Variants in PROSER2 observed in about 807,000 individuals in gnomAD.
The protein encoded by PROSER2 is proline and serine rich 2.
PROSER2 carries 18 observed loss-of-function variants against 14.6 expected under a neutral mutation model. That is an observed-to-expected ratio of 1.23 (90% CI 0.85 to 1.83). The LOEUF (loss-of-function observed/expected upper bound fraction) is 1.83. Among genes scored for constraint, PROSER2 ranks in the 40% most tolerant of loss-of-function variants. The probability of loss-of-function intolerance (pLI) is 0.00; values close to 1 mark genes in which losing one functional copy is unlikely to be tolerated. For missense variants in PROSER2, 823 were observed against 629.8 expected (o/e 1.31, Z -3.28); for synonymous variants, 367 against 286.4 (o/e 1.28, Z -2.84).
At chr10:11,835,795 G>A (rs906364131) in intron 1 of PROSER2, among the ~76,000 whole-genome samples, 18 of 152,086 alleles carry the variant, frequency 1.2e-4, no homozygotes, top group Admixed American at 1.0e-3. Context: ...GATGAATGTC[G>A]TCAAGAGCCA....
At chr10:11,848,327 C>G (rs924810972) in intron 1 of PROSER2, among the ~76,000 whole-genome samples, 16 of 152,172 alleles carry the variant, frequency 1.1e-4, no homozygotes, top group African/African-American at 3.6e-4. Context: ...TGCCACCATG[C>G]CCGGCTAATT....
intron 1 of PROSER2, among the ~76,000 whole-genome samples, chr10:11,839,578 G>A (rs1223469739): frequency 6.6e-6 from 1 of 152,106 alleles, no homozygotes; most frequent in Non-Finnish European, 1.5e-5. Flanking sequence ...TGTACTCCCA[G>A]CATTTTGAGA....
rs139005789 is a variant in PROSER2 at position 11,865,369 on chromosome 10, C to T, written c.139-1162C>T. ...TTCAGTATCCCCTCTTATCTGACAACTGATGATAGCCTTTTTGAAGTTTTC... is the reference window on the plus strand; with the variant it reads ...TTCAGTATCCCCTCTTATCTGACAATTGATGATAGCCTTTTTGAAGTTTTC... On this transcript the variant is annotated intron_variant, in intron 2 of 3. Transcript: ENST00000277570. The surrounding 1 kb of genome is among the most constrained non-coding windows in gnomAD (Gnocchi z 4.2). Among the ~76,000 whole-genome samples, 4 of 152,290 alleles carry T rather than the reference C, an allele frequency of 2.6e-5. No homozygotes were observed. Among genetic ancestry groups the T allele is most frequent in the Admixed American group, 2.6e-4 (4 of 15,300 alleles).
chr10:11,846,996 C>T (rs981224950), intron 1 of PROSER2, among the ~76,000 whole-genome samples: 58 of 152,052 alleles, frequency 3.8e-4, no homozygotes, highest in African/African-American at 1.3e-3. Context: ...AAGCAATCCT[C>T]CCACCTCGGC....
chr10:11,826,012 A>C (rs1293782024), intron 1 of PROSER2, among the ~76,000 whole-genome samples: 1 of 151,930 alleles, frequency 6.6e-6, no homozygotes, highest in Non-Finnish European at 1.5e-5. Flanking sequence ...CCAAAAGGAA[A>C]CCCATTAAGC....
Position 11,871,098 on chromosome 10 carries a change from G to A in PROSER2, c.*692G>A, listed in dbSNP as rs555946219. 8 of 152,338 alleles carry A rather than the reference G, an allele frequency of 5.3e-5. No individual in the cohort carries two copies. The South Asian group carries it at 1.7e-3, about 32-fold the overall frequency. 9.4% of individuals were successfully genotyped at this position (152,338 alleles called of 1,614,324 possible). On this transcript the variant is annotated 3_prime_UTR_variant, in exon 4 of 4. Transcript: ENST00000277570. ...GTCTGGGACGTGTGCGTGAGCCTGTGTTTGTGTGTGTATGTTTTTAGATAC... is the reference window on the plus strand; with the variant it reads ...GTCTGGGACGTGTGCGTGAGCCTGTATTTGTGTGTGTATGTTTTTAGATAC...
At chr10:11,840,277 A>G (rs116212251) in intron 1 of PROSER2, among the ~76,000 whole-genome samples, 4,491 of 152,064 alleles carry the variant, frequency 0.03, 220 homozygotes, top group African/African-American at 0.1. Context: ...AAAAAAAAAA[A>G]AAAGAAAAAC....
chr10:11,867,726 C>G (rs1035515254), intron 3 of PROSER2, among the ~76,000 whole-genome samples: 3 of 152,208 alleles, frequency 2.0e-5, no homozygotes, highest in African/African-American at 7.2e-5. Flanking sequence ...AAGCTTCACT[C>G]GCTCACCACT....
chr10:11,828,587 C>T (rs1013606529), intron 1 of PROSER2, among the ~76,000 whole-genome samples: 31 of 152,062 alleles, frequency 2.0e-4, no homozygotes, highest in African/African-American at 7.0e-4. Flanking sequence ...CCTGTAATCC[C>T]AGCTACTCGG....
At chr10:11,841,357 G>T (rs145297264) in intron 1 of PROSER2, among the ~76,000 whole-genome samples, 1 of 151,904 alleles carries the variant, frequency 6.6e-6, no homozygotes, top group Non-Finnish European at 1.5e-5. Flanking sequence ...TTGAAAGTTT[G>T]TCAATTTTAT....
chr10:11,857,760 A>AAG (rs1283373230), intron 2 of PROSER2, among the ~76,000 whole-genome samples: 1 of 150,988 alleles, frequency 6.6e-6, no homozygotes, highest in Non-Finnish European at 1.5e-5. Context: ...AAAAAAAAAA[A>AAG]AAAAGAAACC....
chr10:11,851,982 G>T lies in PROSER2; in HGVS notation c.-81-15G>T. 7.6e-7 allele frequency: 1 copy of T among 1,312,800 alleles called. No individual in the cohort carries two copies. Among genetic ancestry groups the T allele is most frequent in the Non-Finnish European group, 1.0e-6 (1 of 1,003,704 alleles). The allele number at this position is 1,312,800 out of a possible 1,614,324, so 81.3% of individuals were successfully genotyped here. A position where few individuals can be genotyped will look rare whatever the true frequency, so the allele number is the denominator to read the frequency against. On this transcript the variant is annotated splice_polypyrimidine_tract_variant and intron_variant, in intron 1 of 3. Coordinates refer to ENST00000277570, the MANE Select transcript of PROSER2 (RefSeq NM_153256.4). ...CGGCTTACTGACCATTGTCATTCGT[G>T]TTTGGTGTCTCTAGGAGTGAGCTGT...
intron 1 of PROSER2, among the ~76,000 whole-genome samples, chr10:11,849,438 G>A (rs1833980121): frequency 6.6e-6 from 1 of 152,202 alleles, no homozygotes; most frequent in Admixed American, 6.5e-5. Flanking sequence ...CATTGCCTGG[G>A]TTAAGCATCA....
At chr10:11,833,847 G>A (rs953953388) in intron 1 of PROSER2, among the ~76,000 whole-genome samples, 1 of 152,154 alleles carries the variant, frequency 6.6e-6, no homozygotes, top group African/African-American at 2.4e-5. Flanking sequence ...AGACATGAGA[G>A]TCCGGCGGGG....
intron 1 of PROSER2, among the ~76,000 whole-genome samples, chr10:11,844,971 CTATT>C (rs1272039619): frequency 1.3e-5 from 2 of 152,198 alleles, no homozygotes; most frequent in African/African-American, 4.8e-5. Flanking sequence ...TGGATGTACT[CTATT>C]TAACCAGCCC....
Position 11,823,837 on chromosome 10 carries a change from G to C in PROSER2, c.-82+367G>C, listed in dbSNP as rs1833575047. On this transcript the variant is annotated intron_variant, in intron 1 of 3. Transcript: ENST00000277570. The surrounding 1 kb of genome is among the most constrained non-coding windows in gnomAD (Gnocchi z 6.2). Reference sequence around the variant, plus strand: ...CCCCACCGTCCGTCCCCCAACCCGGGACCCCTGTCCTTTGCGCCGTGGGAC... The same window carrying C: ...CCCCACCGTCCGTCCCCCAACCCGGCACCCCTGTCCTTTGCGCCGTGGGAC... 6.6e-6 allele frequency among the ~76,000 whole-genome samples: 1 copy of C among 152,188 alleles called. No individual in the cohort carries two copies. The highest frequency in any genetic ancestry group is 2.1e-4 in the South Asian group (1 of 4,834).
rs1292454076 is a variant in PROSER2, at chr10:11,836,752, T to C, written c.-82+13282T>C. ...AACTGTGCTTGTCTTGACTGTATCT[T>C]AAAAGTGCTGGTTAATGGTGGGTGT... On this transcript the variant is annotated intron_variant, in intron 1 of 3. Transcript: ENST00000277570. The surrounding 1 kb of genome is among the most constrained non-coding windows in gnomAD (Gnocchi z 4.6). Among the ~76,000 whole-genome samples the C allele has an allele frequency of 1.3e-5, 2 of 152,146 alleles. No homozygotes were observed. Among genetic ancestry groups the C allele is most frequent in the African/African-American group, 2.4e-5 (1 of 41,430 alleles).
chr10:11,849,004 T>C (rs940960915), intron 1 of PROSER2, among the ~76,000 whole-genome samples: 2 of 152,006 alleles, frequency 1.3e-5, no homozygotes, highest in African/African-American at 4.8e-5. Flanking sequence ...CTGGCCAACA[T>C]GGTGAAACCC....
At chr10:11,832,274 G>A (rs1833699081) in intron 1 of PROSER2, among the ~76,000 whole-genome samples, 3 of 152,182 alleles carry the variant, frequency 2.0e-5, no homozygotes, top group South Asian at 2.1e-4. Context: ...TCAGTGCTGG[G>A]ATATAGTCCT....
Sources: gnomAD v4.1 joint callset for allele counts (sites outside exome capture counted in the v4.1 genomes callset) on GRCh38, gnomAD v4.1.1 for gene constraint, Gnocchi (gnomAD v3.1) non-coding constraint, MANE v1.5 for transcripts, NCBI Gene and HGNC (gene_info 2026-07-23, HGNC 2026-07-21) for gene names.